TRPM1: variants seen among roughly 807,000 people sequenced by gnomAD.
The protein encoded by TRPM1 is TRPM1-203 APA Isoform, Intron 10.
A neutral mutation model predicts 149.4 loss-of-function variants in TRPM1; 113 were observed. The ratio of observed to expected loss-of-function variants is 0.76; its 90% confidence interval spans 0.65 to 0.88. The LOEUF is 0.88. Among genes scored for constraint, TRPM1 ranks in the 40% least tolerant of loss-of-function variants. The probability of loss-of-function intolerance (pLI) is 0.00; values close to 1 mark genes in which losing one functional copy is unlikely to be tolerated. For missense variants in TRPM1, 1,976 were observed against 2,038.7 expected (o/e 0.97, Z 0.59); for synonymous variants, 741 against 759.5 (o/e 0.98, Z 0.40).
intron 1 of TRPM1, among the ~76,000 whole-genome samples, chr15:31,113,855 C>G (rs1229705644): frequency 2.0e-5 from 3 of 152,148 alleles, no homozygotes; most frequent in South Asian, 2.1e-4. Context: ...AACGACGCTC[C>G]CACACGCTGG....
upstream of TRPM1, among the ~76,000 whole-genome samples, chr15:31,105,791 T>C (rs2035598551): frequency 1.3e-5 from 2 of 152,232 alleles, no homozygotes; most frequent in South Asian, 4.1e-4. Context: ...GTGGTTATTC[T>C]ACACACTTGA....
rs574845559 is a variant in TRPM1, at chr15:31,017,611, G to A, written c.3629+8528C>T. ...AATTAAATGAAACTGTGTGCTCTGT[G>A]AACTGTAAATGCTACACAAGTGTCA... On this transcript the variant is annotated intron_variant, in intron 27 of 27. Coordinates refer to ENST00000256552, the MANE Select transcript of TRPM1 (RefSeq NM_001252024.2). Among the ~76,000 whole-genome samples, 3 of 152,278 alleles carry A rather than the reference G, an allele frequency of 2.0e-5. No individual in the cohort carries two copies. The East Asian group carries it at 5.8e-4, about 29-fold the overall frequency.
chr15:31,088,845 A>C (rs1287111214), intron 1 of TRPM1, among the ~76,000 whole-genome samples: 1 of 145,152 alleles, frequency 6.9e-6, no homozygotes, highest in Non-Finnish European at 1.5e-5. Context: ...GGGCGATGCG[A>C]TAAGCCCTGC....
chr15:31,083,721 G>A (rs2034923611), intron 1 of TRPM1, among the ~76,000 whole-genome samples: 1 of 152,172 alleles, frequency 6.6e-6, no homozygotes, highest in African/African-American at 2.4e-5. Context: ...GCCATTTCTG[G>A]GTGGTTCAGC....
At chr15:31,057,938 G>A (rs1212796748) in intron 11 of TRPM1, among the ~76,000 whole-genome samples, 3 of 152,192 alleles carry the variant, frequency 2.0e-5, no homozygotes, top group African/African-American at 7.2e-5. Flanking sequence ...TGTAAGATGT[G>A]CCTTTGCTTC....
chr15:31,088,274 C>A (rs2035059075), intron 1 of TRPM1, among the ~76,000 whole-genome samples: 1 of 152,182 alleles, frequency 6.6e-6, no homozygotes, highest in African/African-American at 2.4e-5. Flanking sequence ...TGGGTGGGGC[C>A]AAATAAGGGA....
intron 27 of TRPM1, among the ~76,000 whole-genome samples, chr15:31,021,379 T>C (rs2032544671): frequency 6.6e-6 from 1 of 152,172 alleles, no homozygotes; most frequent in African/African-American, 2.4e-5. Context: ...AAGCCACAAA[T>C]TGCTGATTTC....
At chr15:31,140,985 C>T (rs112355246) in intron 1 of TRPM1, among the ~76,000 whole-genome samples, 16,735 of 151,088 alleles carry the variant, frequency 0.11, 965 homozygotes, top group South Asian at 0.15. Flanking sequence ...CTGCATCCAG[C>T]TAATTTTTTT....
In TRPM1 at chr15:31,026,914, C is replaced by T; in HGVS notation, c.3496+1G>A. 2 of 1,613,548 alleles carry T rather than the reference C, an allele frequency of 1.2e-6. No individual in the cohort carries two copies. Among genetic ancestry groups the T allele is most frequent in the Non-Finnish European group, 1.7e-6 (2 of 1,179,892 alleles). ...TTAGAAATGAAGAGCCCTGCACATA[C>T]TCAATCCACGATCCCGTTCCTCTTG... On this transcript the variant is annotated splice_donor_variant, in intron 26 of 27. Transcript: ENST00000256552. LOFTEE classifies it high-confidence loss of function.
rs550890427 is a variant in TRPM1, at chr15:31,113,634, A to T, written c.55-36650T>A. ...CTTGTGTCATAGCACTTTACTGTAC[A>T]AATTATTTTATCAACTAGTTTTTTG... On this transcript the variant is annotated intron_variant, in intron 1 of 26. Transcript: ENST00000542188. Among the ~76,000 whole-genome samples, 357 of 152,240 alleles carry T rather than the reference A, an allele frequency of 2.3e-3. 4 individuals carry two copies. Among genetic ancestry groups the T allele is most frequent in the African/African-American group, 8.2e-3 (340 of 41,540 alleles).
chr15:31,047,745 T>G, intron 14 of TRPM1, 144 bp downstream of exon 14: 1 of 774,768 alleles, frequency 1.3e-6, no homozygotes, highest in Non-Finnish European at 2.3e-6. Flanking sequence ...CTTTCTTAGT[T>G]TTAAATAGAC....
intron 1 of TRPM1, among the ~76,000 whole-genome samples, chr15:31,091,211 C>T (rs763412165): frequency 3.3e-5 from 5 of 152,206 alleles, no homozygotes; most frequent in Non-Finnish European, 5.9e-5. Flanking sequence ...ACCCGGGCCT[C>T]GCCTGCTGTG....
At chr15:31,067,241 C>G in intron 5 of TRPM1, 54 bp from the exon 6 acceptor site, 1 of 1,613,986 alleles carries the variant, frequency 6.2e-7, no homozygotes, top group Non-Finnish European at 8.5e-7. Context: ...AGCACACCAT[C>G]ATTCATGAAA....
intron 1 of TRPM1, among the ~76,000 whole-genome samples, chr15:31,114,037 G>A (rs921151403): frequency 6.6e-6 from 1 of 152,034 alleles, no homozygotes; most frequent in African/African-American, 2.4e-5. Flanking sequence ...CATTTTTACA[G>A]AATGCTGATT....
upstream of TRPM1, among the ~76,000 whole-genome samples, chr15:31,103,478 T>C (rs1432207346): frequency 6.6e-6 from 1 of 152,216 alleles, no homozygotes; most frequent in Non-Finnish European, 1.5e-5. Context: ...TAGAATGTTA[T>C]TAATTTTTTT....
intron 1 of TRPM1, among the ~76,000 whole-genome samples, chr15:31,129,544 GCTAT>G (rs1306671829): frequency 6.6e-6 from 1 of 152,194 alleles, no homozygotes; most frequent in Non-Finnish European, 1.5e-5. Context: ...TGAAATTGCT[GCTAT>G]CTGACTATTT....
At chr15:31,035,964 A>T in intron 20 of TRPM1, 1 of 473,940 alleles carries the variant, frequency 2.1e-6, no homozygotes. Flanking sequence ...GAAGTTGCAA[A>T]CATTATGATA....
At chr15:31,033,527 G>A (rs778421387) in intron 21 of TRPM1, among the ~76,000 whole-genome samples, 5 of 152,330 alleles carry the variant, frequency 3.3e-5, no homozygotes, top group South Asian at 2.1e-4. Flanking sequence ...ATGCACAGGC[G>A]TGCGCAGAGC....
intron 1 of TRPM1, among the ~76,000 whole-genome samples, chr15:31,094,547 G>A (rs1327588276): frequency 2.6e-5 from 4 of 152,218 alleles, no homozygotes; most frequent in South Asian, 4.1e-4. Context: ...TTAAAAACTG[G>A]GCAAAGGACT....
Sources: gnomAD v4.1 joint callset for allele counts (sites outside exome capture counted in the v4.1 genomes callset) on GRCh38, gnomAD v4.1.1 for gene constraint, MANE v1.5 for transcripts, NCBI Gene and HGNC (gene_info 2026-07-23, HGNC 2026-07-21) for gene names.